The following C12orf42 variants were observed in gnomAD, a reference collection of about 807,000 sequenced individuals.
C12orf42 encodes the protein chromosome 12 open reading frame 42.
A neutral mutation model predicts 21.6 loss-of-function variants in C12orf42; 25 were observed. The observed-to-expected ratio is 1.16, with a 90% CI of 0.84 to 1.62. The LOEUF is 1.62. Ranked by LOEUF, C12orf42 falls within the 40% of genes most tolerant of loss-of-function variation. The pLI is 0.00. For synonymous variants in C12orf42, 174 were observed against 175.0 expected (o/e 0.99, Z 0.05); for missense variants, 483 against 459.3 (o/e 1.05, Z -0.47).
At chr12:103,270,016 G>C (rs1399536204) in intron 5 of C12orf42, 1 of 152,152 alleles carries the variant, frequency 6.6e-6, no homozygotes, top group Non-Finnish European at 1.5e-5. Context: ...ATGAGTCTCA[G>C]AGTTTATACT....
At chr12:103,496,873 A>G (rs1955570455), upstream of C12orf42, among the ~76,000 whole-genome samples, 2 of 150,210 alleles carry the variant, frequency 1.3e-5, no homozygotes, top group Non-Finnish European at 2.9e-5. Context: ...GATCTCATTC[A>G]AAGGTCTAGC....
At chr12:103,056,653 C>G in the C12orf42 span, among the ~76,000 whole-genome samples, 1 of 152,022 alleles carries the variant, frequency 6.6e-6, no homozygotes. Context: ...GTTTGTTTAT[C>G]CTGTCTGTTC....
intron 2 of C12orf42, among the ~76,000 whole-genome samples, chr12:103,467,056 A>G (rs898046501): frequency 1.2e-4 from 18 of 152,228 alleles, no homozygotes; most frequent in African/African-American, 4.1e-4. Flanking sequence ...GAGTCTGAGA[A>G]CCAGACCAAA....
At chr12:103,268,876 C>A (rs150593005) in exon 7 of C12orf42, 1 of 152,044 alleles carries the variant, frequency 6.6e-6, no homozygotes, top group African/African-American at 2.4e-5. Context: ...GTGTGGAGAC[C>A]CAGTTGATCA....
intron 4 of C12orf42, among the ~76,000 whole-genome samples, chr12:103,363,499 T>C (rs980964736): frequency 6.6e-6 from 1 of 152,102 alleles, no homozygotes; most frequent in Non-Finnish European, 1.5e-5. Context: ...CACATCTCAA[T>C]ACTGACATTG....
chr12:103,149,357 G>C, the C12orf42 span, among the ~76,000 whole-genome samples: 2 of 152,144 alleles, frequency 1.3e-5, no homozygotes, highest in African/African-American at 2.4e-5. Flanking sequence ...AGGGTTACCA[G>C]TTTAGCAAGT....
intron 2 of C12orf42, among the ~76,000 whole-genome samples, chr12:103,471,654 C>G (rs1376214915): frequency 1.3e-5 from 2 of 152,194 alleles, no homozygotes; most frequent in African/African-American, 2.4e-5. Flanking sequence ...ACCCCAAACC[C>G]AGATTTTAAC....
the C12orf42 span, among the ~76,000 whole-genome samples, chr12:103,563,726 G>A: frequency 6.6e-6 from 1 of 152,222 alleles, no homozygotes; most frequent in Non-Finnish European, 1.5e-5. Flanking sequence ...GGACCTGCTG[G>A]AGAGCACATG....
intron 5 of C12orf42, among the ~76,000 whole-genome samples, chr12:103,273,436 A>G (rs956243994): frequency 2.6e-5 from 4 of 152,184 alleles, no homozygotes; most frequent in African/African-American, 9.6e-5. Flanking sequence ...ACAGCATTGT[A>G]TATTGGCCAT....
chr12:103,392,715 CACTT>C (rs1173253898), intron 3 of C12orf42, among the ~76,000 whole-genome samples: 2 of 152,208 alleles, frequency 1.3e-5, no homozygotes, highest in African/African-American at 4.8e-5. Context: ...AGCTCTAACT[CACTT>C]AATCTTGAAA....
At chr12:103,072,165 G>A in the C12orf42 span, among the ~76,000 whole-genome samples, 3 of 152,122 alleles carry the variant, frequency 2.0e-5, no homozygotes, top group Non-Finnish European at 4.4e-5. Flanking sequence ...ACCTGGCAAG[G>A]ATGACTTTTC....
chr12:103,114,749 G>C, the C12orf42 span, among the ~76,000 whole-genome samples: 2 of 152,240 alleles, frequency 1.3e-5, no homozygotes, highest in South Asian at 4.1e-4. Context: ...CAATGCTGTT[G>C]AGGACAGAAG....
chr12:103,250,183 T>C (rs985151604), intron 10 of C12orf42, among the ~76,000 whole-genome samples: 8 of 152,046 alleles, frequency 5.3e-5, no homozygotes, highest in Admixed American at 1.3e-4. Context: ...TAGATTAAAA[T>C]GCAAGGAGGT....
chr12:103,556,498 T>C, the C12orf42 span, among the ~76,000 whole-genome samples: 1 of 152,194 alleles, frequency 6.6e-6, no homozygotes, highest in Non-Finnish European at 1.5e-5. Context: ...TTCCTCGGTA[T>C]GTAAAGTGCC....
chr12:103,487,213 C>T (rs1954893030), intron 1 of C12orf42, among the ~76,000 whole-genome samples: 1 of 152,138 alleles, frequency 6.6e-6, no homozygotes, highest in Non-Finnish European at 1.5e-5. Context: ...TCGTTATTTA[C>T]CCAGTAGTCA....
chr12:103,346,403 T>A (rs2042626125), intron 4 of C12orf42, among the ~76,000 whole-genome samples: 1 of 152,208 alleles, frequency 6.6e-6, no homozygotes, highest in African/African-American at 2.4e-5. Context: ...AAATTATTTT[T>A]AATTTATTTT....
At chr12:103,399,729 CTT>C (rs1489345494) in intron 3 of C12orf42, among the ~76,000 whole-genome samples, 2 of 151,980 alleles carry the variant, frequency 1.3e-5, no homozygotes, top group Admixed American at 6.6e-5. Context: ...AAAGCAAAGA[CTT>C]TTTTCTTTAC....
At chr12:103,526,234 A>G in the C12orf42 span, among the ~76,000 whole-genome samples, 2 of 152,244 alleles carry the variant, frequency 1.3e-5, no homozygotes, top group African/African-American at 2.4e-5. Context: ...TTGAGAAGAA[A>G]TAATATAATC....
intron 1 of C12orf42, among the ~76,000 whole-genome samples, chr12:103,483,841 G>A (rs1218774976): frequency 6.6e-6 from 1 of 152,042 alleles, no homozygotes; most frequent in African/African-American, 2.4e-5. Flanking sequence ...GCCCTGGTGT[G>A]CGATGTTGCC....
Sources: allele counts gnomAD v4.1 joint callset (sites outside exome capture counted in the v4.1 genomes callset), GRCh38; gene constraint gnomAD v4.1.1; transcripts MANE v1.5; gene names NCBI Gene and HGNC (gene_info 2026-07-23, HGNC 2026-07-21).